KIN: variants seen among roughly 807,000 people sequenced by gnomAD.
KIN encodes Kin17 DNA and RNA binding protein, also known as DNA/RNA-binding protein KIN17.
KIN carries 47 observed loss-of-function variants against 63.0 expected under a neutral mutation model. The observed-to-expected ratio is 0.75, with a 90% CI of 0.59 to 0.95. KIN has a LOEUF of 0.95. Ranked by LOEUF, KIN falls within the 40% of genes least tolerant of loss-of-function variation. KIN has a pLI of 0.00. For missense variants in KIN, 408 were observed against 460.9 expected, an observed-to-expected ratio of 0.89 and a Z score of 1.05; for synonymous variants, 160 against 157.7, an observed-to-expected ratio of 1.01 and a Z score of -0.11.
intron 7 of KIN, among the ~76,000 whole-genome samples, chr10:7,769,872 A>G (rs1486482605): frequency 6.6e-6 from 1 of 152,228 alleles, no homozygotes; most frequent in East Asian, 1.9e-4. Flanking sequence ...TTTGTAAAGC[A>G]AAGTTCTCAA....
chr10:7,782,649 A>G (rs1182468520), intron 2 of KIN, among the ~76,000 whole-genome samples: 1 of 152,086 alleles, frequency 6.6e-6, no homozygotes, highest in Admixed American at 6.6e-5. Context: ...CACCCGCCTC[A>G]GCCTCCCAAA....
Position 7,755,858 on chromosome 10 carries a change from G to A in KIN, c.*222C>T, listed in dbSNP as rs1835322287. The A allele has an allele frequency of 2.9e-6, 1 of 347,924 alleles. No homozygotes were observed. The highest frequency in any genetic ancestry group is 1.0e-4 in the South Asian group (1 of 9,550). The allele number at this position is 347,924 out of a possible 1,614,324, so 21.6% of individuals were successfully genotyped here. A position where few individuals can be genotyped will look rare whatever the true frequency, so the allele number is the denominator to read the frequency against. On this transcript the variant is annotated 3_prime_UTR_variant, in exon 13 of 13. Coordinates refer to ENST00000379562, the MANE Select transcript of KIN (RefSeq NM_012311.4). ...ATAAACTCATCAAGTAAATTACAAA[G>A]GAAACAAAAATAACAAGGACAAAAT...
chr10:7,774,243 C>A (rs1436982848), intron 7 of KIN, among the ~76,000 whole-genome samples: 1 of 152,206 alleles, frequency 6.6e-6, no homozygotes, highest in Non-Finnish European at 1.5e-5. Context: ...CTGAGTGTTT[C>A]CTGGTGTATT....
chr10:7,779,858 C>G (rs906733277), intron 4 of KIN, among the ~76,000 whole-genome samples, 198 bp downstream of exon 4: 1 of 152,214 alleles, frequency 6.6e-6, no homozygotes, highest in Non-Finnish European at 1.5e-5. Flanking sequence ...TCAGTTCTAT[C>G]TAAGTATTTA....
chr10:7,755,722 C>T lies in KIN; in HGVS notation c.*358G>A, dbSNP rs1325902825. ...AAATTTAGTCACACTTAGAGTTCAA[C>T]TTTACTACTCTACTACTGAAAATAT... On this transcript the variant is annotated 3_prime_UTR_variant, in exon 13 of 13. Coordinates refer to ENST00000379562, the MANE Select transcript of KIN (RefSeq NM_012311.4). 6.3e-6 allele frequency: 1 copy of T among 159,854 alleles called. No individual in the cohort carries two copies. The highest frequency in any genetic ancestry group is 1.4e-5 in the Non-Finnish European group (1 of 73,434). The allele number at this position is 159,854 out of a possible 1,614,324, so 9.9% of individuals were successfully genotyped here. A position where few individuals can be genotyped will look rare whatever the true frequency, so the allele number is the denominator to read the frequency against.
At chr10:7,783,210 AG>A (rs766020780) in intron 1 of KIN, 35 bp from the exon 2 acceptor site, 3 of 1,291,404 alleles carry the variant, frequency 2.3e-6, no homozygotes, top group Non-Finnish European at 2.2e-6. Flanking sequence ...ATTCTGATTT[AG>A]GTCATCAAAA....
At chr10:7,785,407 T>C (rs1242976676) in intron 1 of KIN, among the ~76,000 whole-genome samples, 1 of 152,078 alleles carries the variant, frequency 6.6e-6, no homozygotes, top group Non-Finnish European at 1.5e-5. Context: ...AACTACGAGT[T>C]AGAAGGCAAA....
At chr10:7,787,004 T>G (rs77937011) in intron 1 of KIN, among the ~76,000 whole-genome samples, 1 of 152,188 alleles carries the variant, frequency 6.6e-6, no homozygotes, top group East Asian at 1.9e-4. Flanking sequence ...CGGAGAAAAA[T>G]ATGATCACAT....
At chr10:7,774,195 C>T (rs1835721969) in intron 7 of KIN, among the ~76,000 whole-genome samples, 1 of 152,212 alleles carries the variant, frequency 6.6e-6, no homozygotes, top group South Asian at 2.1e-4. Flanking sequence ...CTGACCCCTG[C>T]CCTGTGCTAG....
chr10:7,756,911 T>C (rs756558387), intron 12 of KIN, among the ~76,000 whole-genome samples: 16 of 152,164 alleles, frequency 1.1e-4, no homozygotes, highest in Non-Finnish European at 1.8e-4. Flanking sequence ...ATGAAAGATA[T>C]TTTCTATCAC....
chr10:7,764,011 G>GA lies in KIN; in HGVS notation c.850-221dup, dbSNP rs139636476. On this transcript the variant is annotated intron_variant, in intron 9 of 12. Coordinates refer to ENST00000379562, the MANE Select transcript of KIN (RefSeq NM_012311.4). ...TTCTGTTCAACGTGGTTAGCAAGAGGAAAAAAATATATACATATATATAAA... is the reference window on the plus strand; with the variant it reads ...TTCTGTTCAACGTGGTTAGCAAGAGGAAAAAAAATATATACATATATATAAA... 1.1e-3 allele frequency among the ~76,000 whole-genome samples: 172 copies of GA among 152,070 alleles called. No homozygotes were observed. In the East Asian group the frequency reaches 0.018, roughly 16 times the overall value.
intron 2 of KIN, among the ~76,000 whole-genome samples, chr10:7,782,857 T>C (rs1564325700): frequency 6.6e-6 from 1 of 152,202 alleles, no homozygotes; most frequent in African/African-American, 2.4e-5. Flanking sequence ...AAAGACAGTT[T>C]TGTATATCTG....
At position 7,774,880 on chromosome 10, in the gene KIN, AATTAAACGTG is replaced by A; in HGVS notation, c.609_618del (p.Thr204Ter). The stretch of plus-strand genomic sequence containing the variant: ...GATGAGCTACATGCTCCTTTACTCA[AATTAAACGTG>A]ACTAGAAGAAAAAAATGTTATTCCA... On this transcript the variant is annotated frameshift_variant and splice_region_variant, in exon 7 of 13. Transcript: ENST00000379562. LOFTEE classifies it high-confidence loss of function. 6.2e-7 allele frequency: 1 copy of A among 1,612,262 alleles called. No homozygotes were observed. The highest frequency in any genetic ancestry group is 2.2e-5 in the East Asian group (1 of 44,864).
At chr10:7,762,161 T>G (rs1177390231) in intron 11 of KIN, among the ~76,000 whole-genome samples, 1 of 151,728 alleles carries the variant, frequency 6.6e-6, no homozygotes, top group African/African-American at 2.4e-5. Context: ...ATTCTCAACC[T>G]ATAACCATAA....
chr10:7,775,746 A>C lies in KIN; in HGVS notation c.607+5T>G. The C allele has an allele frequency of 6.7e-7, 1 of 1,487,034 alleles. No homozygotes were observed. The allele number at this position is 1,487,034 out of a possible 1,614,324, so 92.1% of individuals were successfully genotyped here. ...AAAAAAAGAAAAAATAAAAAATAAA[A>C]CTACCTTTCTCTTCATCATTTTCTC... On this transcript the variant is annotated splice_donor_5th_base_variant and intron_variant, in intron 6 of 12. Coordinates refer to ENST00000379562, the MANE Select transcript of KIN (RefSeq NM_012311.4).
intron 8 of KIN, among the ~76,000 whole-genome samples, chr10:7,767,427 T>C (rs1835570177): frequency 6.6e-6 from 1 of 152,218 alleles, no homozygotes; most frequent in Non-Finnish European, 1.5e-5. Context: ...CTGTTTTTCT[T>C]TCTACTATAC....
chr10:7,762,635 A>G (rs1035894541), intron 10 of KIN, 79 bp from the exon 11 acceptor site: 2 of 684,732 alleles, frequency 2.9e-6, no homozygotes, highest in Non-Finnish European at 4.9e-6. Context: ...AAATGAAATG[A>G]AGACAAATAA....
At chr10:7,759,643 A>G (rs1835399601) in intron 12 of KIN, among the ~76,000 whole-genome samples, 2 of 152,018 alleles carry the variant, frequency 1.3e-5, no homozygotes, top group African/African-American at 2.4e-5. Flanking sequence ...ATTAATTTTT[A>G]TAATTATTTA....
chr10:7,754,174 C>CA lies in KIN; in HGVS notation c.*1905dup. On this transcript the variant is annotated 3_prime_UTR_variant, in exon 13 of 13. Transcript: ENST00000379562. ...GCAAGACCTCATCTCTACTAAAAAT[C>CA]AAAAAAATTAGCCAGGCATGGTAGT... 2.3e-6 allele frequency: 1 copy of CA among 436,660 alleles called. No individual in the cohort carries two copies. Among genetic ancestry groups the CA allele is most frequent in the South Asian group, 1.6e-5 (1 of 60,992 alleles). The allele number at this position is 436,660 out of a possible 1,614,324, so 27.0% of individuals were successfully genotyped here. A position where few individuals can be genotyped will look rare whatever the true frequency, so the allele number is the denominator to read the frequency against.
Sources: gnomAD v4.1 joint callset for allele counts (sites outside exome capture counted in the v4.1 genomes callset) on GRCh38, gnomAD v4.1.1 for gene constraint, MANE v1.5 for transcripts, NCBI Gene and HGNC (gene_info 2026-07-23, HGNC 2026-07-21) for gene names.